The following AKT3 variants were observed in gnomAD, a reference collection of about 807,000 sequenced individuals.
AKT3 encodes the protein RAC-gamma serine/threonine-protein kinase.
A neutral mutation model predicts 65.3 loss-of-function variants in AKT3; 15 were observed. That is an observed-to-expected ratio of 0.23 (90% CI 0.15 to 0.35). AKT3 has a LOEUF of 0.35. Among genes scored for constraint, AKT3 ranks in the 10% least tolerant of loss-of-function variants. The pLI is 1.00. For synonymous variants in AKT3, 206 were observed against 183.8 expected (o/e 1.12, Z -0.98); for missense variants, 243 against 576.5 (o/e 0.42, Z 5.92).
intron 8 of AKT3, among the ~76,000 whole-genome samples, chr1:243,607,367 C>G (rs1036578372): frequency 1.3e-5 from 2 of 152,244 alleles, no homozygotes; most frequent in Non-Finnish European, 1.5e-5. Context: ...CTTGCATCAG[C>G]ATGATCTGGA....
intron 2 of AKT3, among the ~76,000 whole-genome samples, chr1:243,791,286 TC>T (rs1471505964): frequency 2.1e-5 from 1 of 46,560 alleles, no homozygotes; most frequent in East Asian, 4.3e-4. Context: ...ACGTAACCAT[TC>T]TTTTTTTTTT....
Position 243,646,048 on chromosome 1 carries a change from G to T in AKT3, c.285-11C>A. ...TCTGTCCATTCTTCCCTATAAAAAT[G>T]AGTAAAATTTCCCATTAATAGAAGA... On this transcript the variant is annotated splice_polypyrimidine_tract_variant and intron_variant, in intron 4 of 13. Transcript: ENST00000673466. 7 of 1,577,852 alleles carry T rather than the reference G, an allele frequency of 4.4e-6. No homozygotes were observed. The highest frequency in any genetic ancestry group is 3.4e-6 in the Non-Finnish European group (4 of 1,167,730).
chr1:243,652,771 CAAAAAA>C (rs371580711), intron 4 of AKT3, among the ~76,000 whole-genome samples: 6 of 31,290 alleles, frequency 1.9e-4, no homozygotes, highest in Admixed American at 4.7e-4. Context: ...AAATAGAAAG[CAAAAAA>C]AAAAAAAAAA....
At chr1:243,707,317 T>C (rs1685865063) in intron 2 of AKT3, among the ~76,000 whole-genome samples, 1 of 152,194 alleles carries the variant, frequency 6.6e-6, no homozygotes, top group African/African-American at 2.4e-5. Flanking sequence ...TTTTTGTGGA[T>C]AAAATTTCTA....
intron 3 of AKT3, among the ~76,000 whole-genome samples, chr1:243,695,073 T>G (rs1423137589): frequency 6.6e-6 from 1 of 151,970 alleles, no homozygotes; most frequent in African/African-American, 2.4e-5. Context: ...GCTATGTTCA[T>G]GCAAATACAA....
intron 2 of AKT3, among the ~76,000 whole-genome samples, chr1:243,836,355 G>A (rs1326373508): frequency 2.0e-5 from 3 of 151,446 alleles, no homozygotes; most frequent in Admixed American, 6.6e-5. Context: ...CAACAAAAAA[G>A]CCTCTAATAA....
At chr1:243,773,049 A>C (rs1332646775) in intron 2 of AKT3, among the ~76,000 whole-genome samples, 4 of 31,924 alleles carry the variant, frequency 1.3e-4, no homozygotes, top group Non-Finnish European at 2.3e-4. Context: ...GGGTGGGGGG[A>C]GGGGGGAGGG....
chr1:243,768,654 G>A (rs1689978407), intron 2 of AKT3, among the ~76,000 whole-genome samples: 1 of 152,042 alleles, frequency 6.6e-6, no homozygotes, highest in Non-Finnish European at 1.5e-5. Flanking sequence ...GACCAACATG[G>A]TGAAACTCCA....
At chr1:243,662,063 C>A (rs1682391276) in intron 4 of AKT3, among the ~76,000 whole-genome samples, 1 of 148,126 alleles carries the variant, frequency 6.8e-6, no homozygotes, top group Non-Finnish European at 1.5e-5. Flanking sequence ...ACAACAGGTG[C>A]TGGAGAGGAT....
chr1:243,700,192 G>T (rs1181308386), intron 2 of AKT3, among the ~76,000 whole-genome samples: 1 of 152,166 alleles, frequency 6.6e-6, no homozygotes, highest in African/African-American at 2.4e-5. Flanking sequence ...CTTGGCATAG[G>T]ACATGTACAG....
chr1:243,519,285 C>T (rs1670562450), intron 12 of AKT3, among the ~76,000 whole-genome samples: 1 of 152,132 alleles, frequency 6.6e-6, no homozygotes, highest in African/African-American at 2.4e-5. Flanking sequence ...GGTGCCAAAA[C>T]CATTGCACCC....
chr1:243,605,982 T>A (rs1464742740), intron 8 of AKT3, among the ~76,000 whole-genome samples: 1 of 152,154 alleles, frequency 6.6e-6, no homozygotes, highest in South Asian at 2.1e-4. Context: ...TTTTCCTCCT[T>A]TGCTTAGCAC....
At chr1:243,526,264 G>GTATTCTGTAAATATCCTCAGTATTT (rs1671071621) in intron 12 of AKT3, among the ~76,000 whole-genome samples, 1 of 152,144 alleles carries the variant, frequency 6.6e-6, no homozygotes, top group Non-Finnish European at 1.5e-5. Context: ...ACTGAAACCC[G>GTATTCTGTAAATATCCTCAGTATTT]TGTTAATTCG....
chr1:243,533,708 A>C (rs2148419033), intron 12 of AKT3, among the ~76,000 whole-genome samples: 1 of 152,312 alleles, frequency 6.6e-6, no homozygotes. Flanking sequence ...AACTGTAAGA[A>C]GGCCGGGCGC....
At chr1:243,610,280 C>T (rs1346228369) in intron 8 of AKT3, among the ~76,000 whole-genome samples, 2 of 152,120 alleles carry the variant, frequency 1.3e-5, no homozygotes, top group Admixed American at 6.5e-5. Flanking sequence ...AATGTTCATC[C>T]ATTTGTTCAC....
chr1:243,683,582 G>A (rs539015215), intron 3 of AKT3, among the ~76,000 whole-genome samples: 1 of 152,184 alleles, frequency 6.6e-6, no homozygotes, highest in Admixed American at 6.5e-5. Flanking sequence ...ATTATATGTA[G>A]GGTATTCCCT....
chr1:243,520,187 A>G (rs188387027), intron 12 of AKT3, among the ~76,000 whole-genome samples: 38 of 152,308 alleles, frequency 2.5e-4, no homozygotes, highest in Non-Finnish European at 4.9e-4. Context: ...AGATATCAGG[A>G]TATGTCTTAA....
rs143427123 is a variant in AKT3 at position 243,652,072 on chromosome 1, G to T, written c.285-6035C>A. Among the ~76,000 whole-genome samples the T allele has an allele frequency of 4.0e-5, 6 of 149,054 alleles. No homozygotes were observed. The East Asian group carries it at 7.8e-4, about 19-fold the overall frequency. On this transcript the variant is annotated intron_variant, in intron 4 of 13. Coordinates refer to ENST00000673466, the MANE Select transcript of AKT3 (RefSeq NM_005465.7). ...CTTTTTTTTTTTTTTTTTCTGAGACGGAGTCTCACTCTGTCACCCAGGCTG... is the reference window on the plus strand; with the variant it reads ...CTTTTTTTTTTTTTTTTTCTGAGACTGAGTCTCACTCTGTCACCCAGGCTG...
chr1:243,690,358 CAAAGT>C (rs1490419224), intron 3 of AKT3, among the ~76,000 whole-genome samples: 2 of 151,988 alleles, frequency 1.3e-5, no homozygotes, highest in African/African-American at 4.8e-5. Flanking sequence ...CTGTTTTACT[CAAAGT>C]AAAATAAAAT....
Sources: allele counts gnomAD v4.1 joint callset (sites outside exome capture counted in the v4.1 genomes callset), GRCh38; gene constraint gnomAD v4.1.1; transcripts MANE v1.5; gene names NCBI Gene and HGNC (gene_info 2026-07-23, HGNC 2026-07-21).